PTPN18: variants seen among roughly 807,000 people sequenced by gnomAD.
PTPN18 encodes the protein protein tyrosine phosphatase non-receptor type 18, also known as tyrosine-protein phosphatase non-receptor type 18.
PTPN18 carries 65 observed loss-of-function variants against 65.4 expected under a neutral mutation model. The ratio of observed to expected loss-of-function variants is 0.99; its 90% CI spans 0.81 to 1.22. The LOEUF is 1.22. Among genes scored for constraint, PTPN18 ranks in the 50% most tolerant of loss-of-function variants. The pLI, the probability that PTPN18 is intolerant of heterozygous loss-of-function variation, is 0.00. For missense variants in PTPN18, 616 were observed against 646.5 expected (o/e 0.95, Z 0.51); for synonymous variants, 255 against 267.8 (o/e 0.95, Z 0.47).
Position 130,359,606 on chromosome 2 carries a change from A to G in PTPN18, c.376-2A>G, listed in dbSNP as rs949623259. ...TCCTCTCCCCTGACCCTCCTTGTCT[A>G]GGTGATCCTGATGGCCTGTCGAGAG... On this transcript the variant is annotated splice_acceptor_variant, in intron 4 of 14. Coordinates refer to ENST00000175756, the MANE Select transcript of PTPN18 (RefSeq NM_014369.4). LOFTEE classifies it high-confidence loss of function. 1.2e-6 allele frequency: 2 copies of G among 1,613,918 alleles called. No homozygotes were observed. The highest frequency in any genetic ancestry group is 1.3e-5 in the African/African-American group (1 of 74,878).
Position 130,369,121 on chromosome 2 carries a change from T to A in PTPN18, c.415-12T>A, listed in dbSNP as rs763699171. ...TTCTCACTCCCTGCCTTTTCTCCCT[T>A]ACCTTTTGCAGAAAAGGTGTGAGCG... On this transcript the variant is annotated splice_polypyrimidine_tract_variant and intron_variant, in intron 5 of 14. Coordinates refer to ENST00000175756, the MANE Select transcript of PTPN18 (RefSeq NM_014369.4). 6.2e-7 allele frequency: 1 copy of A among 1,606,306 alleles called. No individual in the cohort carries two copies. Among genetic ancestry groups the A allele is most frequent in the South Asian group, 1.1e-5 (1 of 90,672 alleles).
intron 5 of PTPN18, among the ~76,000 whole-genome samples, chr2:130,368,356 C>G (rs1680452334): frequency 6.6e-6 from 1 of 152,150 alleles, no homozygotes; most frequent in East Asian, 1.9e-4. Context: ...TTTTCAGGAA[C>G]TTTTGGATGG....
rs745628387 is a variant in PTPN18 at position 130,359,560 on chromosome 2, G to GC, written c.376-43dup. ...AAGTACCCCCTCGGCAGTTTCCCTG[G>GC]CCCCCTCACCCAAATCACCTTCCTC... On this transcript the variant is annotated intron_variant, in intron 4 of 14. Coordinates refer to ENST00000175756, the MANE Select transcript of PTPN18 (RefSeq NM_014369.4). 3.0e-4 allele frequency: 488 copies of GC among 1,612,742 alleles called. 1 individual carries two copies. The highest frequency in any genetic ancestry group is 3.8e-4 in the Non-Finnish European group (449 of 1,178,930).
intron 13 of PTPN18, 78 bp downstream of exon 13, chr2:130,372,561 C>A: frequency 7.2e-7 from 1 of 1,396,040 alleles, no homozygotes; most frequent in African/African-American, 1.5e-5. Flanking sequence ...AGTGGTCCGT[C>A]AGGCCCTGGC....
intron 5 of PTPN18, among the ~76,000 whole-genome samples, chr2:130,361,566 C>CTTTCTTTCTTTCTTTCTTT (rs1281628439): frequency 3.0e-5 from 2 of 67,106 alleles, no homozygotes; most frequent in Admixed American, 1.6e-4. Context: ...TTCTTTCTTT[C>CTTTCTTTCTTTCTTTCTTT]CTTTCTTTCC....
At chr2:130,363,941 C>T (rs1350600277) in intron 5 of PTPN18, among the ~76,000 whole-genome samples, 2 of 150,096 alleles carry the variant, frequency 1.3e-5, no homozygotes, top group African/African-American at 4.9e-5. Context: ...ATGCTTGTTA[C>T]TGTCTTTTTT....
At position 130,358,905 on chromosome 2, in the gene PTPN18, C is replaced by T. The variant is rs202206284; in HGVS notation, c.132C>T (p.Gly44=). 3.8e-5 allele frequency: 62 copies of T among 1,614,036 alleles called. No individual in the cohort carries two copies. The highest frequency in any genetic ancestry group is 2.7e-4 in the Admixed American group (16 of 60,030). Residue 44 remains glycine, a synonymous_variant, in exon 2 of 15, where the codon GGC becomes GGT. Coordinates refer to ENST00000175756, the MANE Select transcript of PTPN18 (RefSeq NM_014369.4). ...GCTCGGCCGCCTGGAAGGCTGACGGCGTGTGCTCCACCGTGGCCGGCAGTC... is the reference window on the plus strand; with the variant it reads ...GCTCGGCCGCCTGGAAGGCTGACGGTGTGTGCTCCACCGTGGCCGGCAGTC... The part of the protein sequence containing the change: ...QACSAAWKAD[G]VCSTVAGSRP...
At chr2:130,357,324 T>A (rs893639992) in intron 1 of PTPN18, among the ~76,000 whole-genome samples, 1 of 152,198 alleles carries the variant, frequency 6.6e-6, no homozygotes, top group South Asian at 2.1e-4. Flanking sequence ...TGATGACGTG[T>A]TTAAAGTGTA....
intron 5 of PTPN18, chr2:130,362,441 T>G (rs559525438): frequency 4.5e-4 from 113 of 248,448 alleles, no homozygotes; most frequent in Non-Finnish European, 7.8e-4. Flanking sequence ...GAATTTTTTA[T>G]TAATCTATTG....
In PTPN18 at chr2:130,372,249, G is replaced by T. The variant is rs947308022; in HGVS notation, c.1014-8G>T. On this transcript the variant is annotated splice_region_variant and splice_polypyrimidine_tract_variant and intron_variant, in intron 12 of 14. Transcript: ENST00000175756. ...GTTTCACTTCCTCCCGGCCCTCCCT[G>T]CCTGCAGGAGCATCTCTGTGCCCGG... is the stretch of plus-strand genomic sequence containing the variant. The T allele has an allele frequency of 7.6e-6, 12 of 1,571,682 alleles. No individual in the cohort carries two copies. Among genetic ancestry groups the T allele is most frequent in the African/African-American group, 6.9e-5 (5 of 72,426 alleles).
In PTPN18 at chr2:130,373,600, A is replaced by G. The variant is rs149399386; in HGVS notation, c.*376A>G. 3.9e-3 allele frequency: 667 copies of G among 171,342 alleles called. 3 individuals carry two copies. Among genetic ancestry groups the G allele is most frequent in the African/African-American group, 0.015 (621 of 42,228 alleles). 10.6% of individuals were successfully genotyped at this position (171,342 alleles called of 1,614,324 possible). A position where few individuals can be genotyped will look rare whatever the true frequency, so the allele number is the denominator to read the frequency against. On this transcript the variant is annotated 3_prime_UTR_variant, in exon 15 of 15. Transcript: ENST00000175756. This position sits in a 1 kb window ranked among gnomAD's most constrained non-coding sequence, Gnocchi z 4.1. ...CACTTGGACACTCAGGGGACCACAC[A>G]GAGAAGTGGATGGACACTTCGCCAT...
At chr2:130,364,774 C>T (rs190053754) in intron 5 of PTPN18, among the ~76,000 whole-genome samples, 28 of 152,256 alleles carry the variant, frequency 1.8e-4, no homozygotes, top group Non-Finnish European at 3.1e-4. Flanking sequence ...CCAGCCTGGG[C>T]GACAGAGCGA....
chr2:130,372,057 C>A (rs983526920), intron 12 of PTPN18, 200 bp from the exon 13 acceptor site: 3 of 539,236 alleles, frequency 5.6e-6, no homozygotes, highest in Non-Finnish European at 9.7e-6. Context: ...TCCAGGCTGA[C>A]CCCGTTCCTC....
intron 1 of PTPN18, among the ~76,000 whole-genome samples, 159 bp downstream of exon 1, chr2:130,356,359 T>C (rs1458428043): frequency 1.3e-5 from 2 of 151,972 alleles, no homozygotes; most frequent in African/African-American, 4.8e-5. Flanking sequence ...CACTTCTCTG[T>C]CGCTCTTGCT....
chr2:130,356,710 AATCCGCGTCCCGGCC>A, intron 1 of PTPN18: 1 of 443,136 alleles, frequency 2.3e-6, no homozygotes, highest in South Asian at 1.6e-5. Flanking sequence ...TCCCGTCCCG[AATCCGCGTCCCGGCC>A]ATCCGCGTGT....
At chr2:130,357,438 TA>T (rs1300807525) in intron 1 of PTPN18, among the ~76,000 whole-genome samples, 1 of 152,184 alleles carries the variant, frequency 6.6e-6, no homozygotes, top group Non-Finnish European at 1.5e-5. Flanking sequence ...AAAAGTATTA[TA>T]AATGACCGTT....
intron 11 of PTPN18, 25 bp downstream of exon 11, chr2:130,370,989 C>T (rs757127355): frequency 6.2e-7 from 1 of 1,605,146 alleles, no homozygotes; most frequent in Middle Eastern, 1.7e-4. Context: ...TTCCCACTCT[C>T]CTGTCCACCA....
At chr2:130,364,931 C>G (rs2104940163) in intron 5 of PTPN18, among the ~76,000 whole-genome samples, 1 of 152,280 alleles carries the variant, frequency 6.6e-6, no homozygotes, top group East Asian at 1.9e-4. Flanking sequence ...ATTTTGTTTT[C>G]CACAGTGGCT....
At chr2:130,356,288 C>G in intron 1 of PTPN18, 88 bp downstream of exon 1, 1 of 1,003,748 alleles carries the variant, frequency 1.0e-6, no homozygotes. Context: ...CTCTGCCTTT[C>G]TGTCTCGGTG....
Sources: allele counts gnomAD v4.1 joint callset (sites outside exome capture counted in the v4.1 genomes callset), GRCh38; gene constraint gnomAD v4.1.1; non-coding constraint Gnocchi (gnomAD v3.1); transcripts MANE v1.5; gene names NCBI Gene and HGNC (gene_info 2026-07-23, HGNC 2026-07-21).